Variants in STPG2 observed in about 807,000 individuals in gnomAD.
STPG2 encodes the protein sperm tail PG-rich repeat containing 2.
A neutral mutation model predicts 54.2 loss-of-function variants in STPG2; 56 were observed. The ratio of observed to expected loss-of-function variants is 1.03; its 90% CI spans 0.83 to 1.29. STPG2 has a LOEUF of 1.29. Ranked by LOEUF, STPG2 falls within the 50% of genes most tolerant of loss-of-function variation. STPG2 has a pLI of 0.00. For missense variants in STPG2, 596 were observed against 544.9 expected (o/e 1.09, Z -0.93); for synonymous variants, 200 against 181.8 (o/e 1.10, Z -0.81).
At chr4:97,550,416 T>A (rs957632420) in intron 4 of STPG2, among the ~76,000 whole-genome samples, 1 of 152,122 alleles carries the variant, frequency 6.6e-6, no homozygotes, top group Non-Finnish European at 1.5e-5. Context: ...TATAATCTTG[T>A]AAGTAAATTC....
chr4:98,134,414 A>G lies in STPG2; in HGVS notation c.155T>C (p.Phe52Ser). The change falls in exon 2 of 11, where the codon TTT becomes TCT. Residue 52 changes from phenylalanine (F) to serine (S), a missense_variant. Physicochemically the swap from Phe to Ser is radical, Grantham distance 155 (BLOSUM62 -2). Transcript: ENST00000295268. ...FLSLTARESTFTIASSIEKAV... is the reference protein window; with the variant it reads ...FLSLTARESTSTIASSIEKAV... Reference sequence around the variant, plus strand: ...TTTCTCAATGCTAGAGGCAATGGTAAAAGTACTTTCTCTGGCAGTCAAAGA... The same window carrying G: ...TTTCTCAATGCTAGAGGCAATGGTAGAAGTACTTTCTCTGGCAGTCAAAGA... 1 of 1,590,558 alleles carries G rather than the reference A, an allele frequency of 6.3e-7. No homozygotes were observed. The highest frequency in any genetic ancestry group is 8.6e-7 in the Non-Finnish European group (1 of 1,166,100).
At chr4:97,681,041 A>T (rs994894237) in intron 10 of STPG2, among the ~76,000 whole-genome samples, 3 of 151,928 alleles carry the variant, frequency 2.0e-5, no homozygotes, top group Non-Finnish European at 4.4e-5. Context: ...ACATATTTGT[A>T]TTACTTATTT....
At chr4:97,926,670 T>C (rs1471023801) in intron 8 of STPG2, among the ~76,000 whole-genome samples, 2 of 152,114 alleles carry the variant, frequency 1.3e-5, no homozygotes, top group Non-Finnish European at 2.9e-5. Context: ...GAGCTTCTGG[T>C]TTAAAAAGAT....
chr4:97,903,658 T>G (rs890244451), intron 8 of STPG2, among the ~76,000 whole-genome samples: 3 of 152,186 alleles, frequency 2.0e-5, no homozygotes, highest in Non-Finnish European at 2.9e-5. Flanking sequence ...CGCAGAAGAC[T>G]GGTGATTTCT....
chr4:97,900,114 TG>T lies in STPG2; in HGVS notation c.1044+43782del, dbSNP rs1731119868. The stretch of plus-strand genomic sequence containing the variant: ...CCCATTAAAAAGTTAGCAAAGGACA[TG>T]AACAGATACTTTTCAAAAGAAGACA... On this transcript the variant is annotated intron_variant, in intron 8 of 10. Transcript: ENST00000295268. Among the ~76,000 whole-genome samples, 2 of 152,070 alleles carry T rather than the reference TG, an allele frequency of 1.3e-5. 1 individual carries two copies. The highest frequency in any genetic ancestry group is 4.1e-4 in the South Asian group (2 of 4,828).
At chr4:97,488,973 T>C (rs922971353) in intron 4 of STPG2, among the ~76,000 whole-genome samples, 1 of 151,738 alleles carries the variant, frequency 6.6e-6, no homozygotes, top group Non-Finnish European at 1.5e-5. Flanking sequence ...TCATCTTGAA[T>C]TGTAACTCCC....
intron 10 of STPG2, among the ~76,000 whole-genome samples, chr4:97,598,051 A>G (rs1233770185): frequency 4.6e-5 from 7 of 152,188 alleles, no homozygotes; most frequent in African/African-American, 1.7e-4. Context: ...TTCAAGATAC[A>G]AAAATAATGT....
At chr4:97,850,924 G>A (rs1729141109) in intron 8 of STPG2, among the ~76,000 whole-genome samples, 1 of 152,106 alleles carries the variant, frequency 6.6e-6, no homozygotes, top group Admixed American at 6.6e-5. Flanking sequence ...TGTTTTTGAG[G>A]TCATTACAAC....
intron 10 of STPG2, among the ~76,000 whole-genome samples, chr4:97,673,984 T>C (rs79879679): frequency 1.6e-3 from 240 of 152,328 alleles, no homozygotes; most frequent in African/African-American, 5.7e-3. Flanking sequence ...GGATCTAACA[T>C]TGACCTAAAG....
intron 4 of STPG2, among the ~76,000 whole-genome samples, chr4:97,447,269 A>G (rs1729246615): frequency 6.6e-6 from 1 of 152,226 alleles, no homozygotes; most frequent in South Asian, 2.1e-4. Flanking sequence ...CGTGGAGCAT[A>G]AAAGTTTGAA....
At chr4:97,852,379 T>C (rs936323457) in intron 8 of STPG2, among the ~76,000 whole-genome samples, 1 of 152,216 alleles carries the variant, frequency 6.6e-6, no homozygotes, top group Non-Finnish European at 1.5e-5. Flanking sequence ...GAAGTCAGAA[T>C]TGCTGGGTTA....
intron 9 of STPG2, among the ~76,000 whole-genome samples, chr4:97,823,293 C>T (rs1055125220): frequency 2.6e-5 from 4 of 152,212 alleles, no homozygotes; most frequent in African/African-American, 9.6e-5. Flanking sequence ...GCTCATGCAG[C>T]AGCTGGTGAC....
Position 97,862,359 on chromosome 4 carries a change from A to G in STPG2, c.1045-21427T>C, listed in dbSNP as rs557686033. On this transcript the variant is annotated intron_variant, in intron 8 of 10. Coordinates refer to ENST00000295268, the MANE Select transcript of STPG2 (RefSeq NM_174952.3). ...CAAAAGAGACAAAGAAGGCCATTAC[A>G]TAATGGTAAACGGATCAATTCAACA... Among the ~76,000 whole-genome samples, 6 of 152,258 alleles carry G rather than the reference A, an allele frequency of 3.9e-5. No homozygotes were observed. In the South Asian group the frequency reaches 1.0e-3, roughly 26 times the overall value.
At chr4:97,501,912 A>C (rs1029042833) in intron 4 of STPG2, among the ~76,000 whole-genome samples, 5 of 152,030 alleles carry the variant, frequency 3.3e-5, no homozygotes, top group African/African-American at 1.2e-4. Flanking sequence ...TTCACAACTA[A>C]GAAAATTAAT....
chr4:98,122,690 C>T (rs1426445649), intron 3 of STPG2, among the ~76,000 whole-genome samples: 1 of 151,302 alleles, frequency 6.6e-6, no homozygotes, highest in Admixed American at 6.6e-5. Flanking sequence ...TGATGCTGGC[C>T]TCAGAAAATG....
chr4:97,817,708 C>T (rs1305447474), intron 9 of STPG2, among the ~76,000 whole-genome samples: 3 of 151,964 alleles, frequency 2.0e-5, no homozygotes, highest in African/African-American at 7.2e-5. Context: ...AATTAGATAG[C>T]TTATACTTGG....
At chr4:97,966,949 A>G (rs1734122880) in intron 7 of STPG2, among the ~76,000 whole-genome samples, 1 of 152,202 alleles carries the variant, frequency 6.6e-6, no homozygotes, top group African/African-American at 2.4e-5. Context: ...AAACAGCATC[A>G]ACTAATGGGC....
At chr4:97,826,338 T>G (rs767827653) in intron 9 of STPG2, among the ~76,000 whole-genome samples, 1 of 152,196 alleles carries the variant, frequency 6.6e-6, no homozygotes, top group South Asian at 2.1e-4. Context: ...GATTGTTTTA[T>G]GTGAGATAGA....
At chr4:98,107,995 T>C (rs1739235728) in intron 4 of STPG2, among the ~76,000 whole-genome samples, 1 of 151,962 alleles carries the variant, frequency 6.6e-6, no homozygotes, top group Non-Finnish European at 1.5e-5. Context: ...ACTAAAAGAA[T>C]AAAAATACAA....
Sources: gnomAD v4.1 joint callset for allele counts (sites outside exome capture counted in the v4.1 genomes callset) on GRCh38, gnomAD v4.1.1 for gene constraint, MANE v1.5 for transcripts, NCBI Gene and HGNC (gene_info 2026-07-23, HGNC 2026-07-21) for gene names.